Variants in MSANTD2 observed in about 807,000 individuals in gnomAD.
MSANTD2 encodes Myb/SANT DNA binding domain containing 2.
MSANTD2 carries 19 observed loss-of-function variants against 52.6 expected under a neutral mutation model. The ratio of observed to expected loss-of-function variants is 0.36; its 90% CI spans 0.25 to 0.53. The LOEUF is 0.53. Ranked by LOEUF, MSANTD2 falls within the 20% of genes least tolerant of loss-of-function variation. The probability of loss-of-function intolerance (pLI) is 0.91; values close to 1 mark genes in which losing one functional copy is unlikely to be tolerated. For synonymous variants in MSANTD2, 291 were observed against 289.7 expected (o/e 1.00, Z -0.04); for missense variants, 558 against 716.3 (o/e 0.78, Z 2.52).
intron 1 of MSANTD2, among the ~76,000 whole-genome samples, chr11:124,782,954 T>C (rs1945033375): frequency 6.6e-6 from 1 of 152,142 alleles, no homozygotes; most frequent in Non-Finnish European, 1.5e-5. Flanking sequence ...ATCATTCTTG[T>C]TGTTATACCT....
At chr11:124,777,527 T>A (rs753898866) in intron 1 of MSANTD2, among the ~76,000 whole-genome samples, 27 of 152,240 alleles carry the variant, frequency 1.8e-4, no homozygotes, top group Admixed American at 4.6e-4. Flanking sequence ...ATACTTCACT[T>A]GGCTTATGTA....
chr11:124,799,389 C>T (rs1247315233), intron 1 of MSANTD2, among the ~76,000 whole-genome samples: 1 of 152,232 alleles, frequency 6.6e-6, no homozygotes, highest in South Asian at 2.1e-4. Context: ...CGTCCCAAGG[C>T]GCTTTTTCTA....
At chr11:124,773,145 A>G (rs1432293998) in intron 2 of MSANTD2, 91 bp from the exon 3 acceptor site, 3 of 725,978 alleles carry the variant, frequency 4.1e-6, no homozygotes, top group African/African-American at 3.6e-5. Context: ...TGATCATTCC[A>G]TACTTTCCAA....
intron 1 of MSANTD2, among the ~76,000 whole-genome samples, chr11:124,797,086 T>A (rs1945518924): frequency 6.6e-6 from 1 of 152,238 alleles, no homozygotes. Context: ...TTCTTCAGAC[T>A]GGGTTCCAAA....
At position 124,768,019 on chromosome 11, in the gene MSANTD2, G is replaced by A. The variant is rs1234944741; in HGVS notation, c.837C>T (p.Asp279=). Residue 279 remains aspartate (D), a synonymous_variant, in exon 4 of 4, where the codon GAC becomes GAT. Coordinates refer to ENST00000374979, the MANE Select transcript of MSANTD2 (RefSeq NM_001308027.2). ...QESSEEAQKR[D]IMQNIVQILE... is the part of the protein sequence containing the mutation. ...AAATCTGTACAATATTCTGCATGATGTCTCTCTTCCTGGAAAGACAAATAA... is the reference window on the plus strand; with the variant it reads ...AAATCTGTACAATATTCTGCATGATATCTCTCTTCCTGGAAAGACAAATAA... 1 of 1,600,102 alleles carries A rather than the reference G, an allele frequency of 6.2e-7. No individual in the cohort carries two copies. The highest frequency in any genetic ancestry group is 1.3e-5 in the African/African-American group (1 of 74,414).
At chr11:124,770,566 T>C (rs1412832144) in intron 3 of MSANTD2, among the ~76,000 whole-genome samples, 2 of 152,182 alleles carry the variant, frequency 1.3e-5, no homozygotes, top group Non-Finnish European at 2.9e-5. Flanking sequence ...CCCAGGATGC[T>C]GGGATTACAG....
chr11:124,770,314 GT>G (rs59573200), intron 3 of MSANTD2, among the ~76,000 whole-genome samples: 103 of 143,188 alleles, frequency 7.2e-4, no homozygotes, highest in Admixed American at 9.1e-4. Context: ...TTGTTTGTTT[GT>G]TTTTTTTTTT....
chr11:124,774,858 G>C lies in MSANTD2; in HGVS notation c.627C>G (p.Pro209=), dbSNP rs534687102. The C allele has an allele frequency of 1.9e-6, 3 of 1,613,914 alleles. No individual in the cohort carries two copies. The highest frequency in any genetic ancestry group is 3.3e-5 in the Admixed American group (2 of 60,020). The change falls in exon 2 of 4, where the codon CCC becomes CCG. Residue 209 remains proline (P), a synonymous_variant. Coordinates refer to ENST00000374979, the MANE Select transcript of MSANTD2 (RefSeq NM_001308027.2). The surrounding 1 kb of genome is among the most constrained non-coding windows in gnomAD (Gnocchi z 5.1). ...TACTGTTAATAAGTACAGGCTGGCA[G>C]GGCTGAGCATCCCATCCTCCCTGAC... ...VFGQGGWDAQ[P]CQPVLINSSG...
At chr11:124,799,801 G>GC in intron 1 of MSANTD2, 70 bp downstream of exon 1, 1 of 1,215,312 alleles carries the variant, frequency 8.2e-7, no homozygotes, top group Non-Finnish European at 1.1e-6. Context: ...ACCGGCCCCC[G>GC]CCCCCGAGGC....
rs145140688 is a variant in MSANTD2, at chr11:124,770,019, T to C, written c.828-1991A>G. 1.4e-3 allele frequency among the ~76,000 whole-genome samples: 208 copies of C among 152,328 alleles called. 2 individuals carry two copies. The East Asian group carries it at 0.024, about 18-fold the overall frequency. ...AAGATTCAAACCAGCATTTCAAAGCTCTGGAGCACAATGAAAACTAGACTC... is the reference window on the plus strand; with the variant it reads ...AAGATTCAAACCAGCATTTCAAAGCCCTGGAGCACAATGAAAACTAGACTC... On this transcript the variant is annotated intron_variant, in intron 3 of 3. Coordinates refer to ENST00000374979, the MANE Select transcript of MSANTD2 (RefSeq NM_001308027.2).
In MSANTD2 at chr11:124,799,957, CG is replaced by C. The variant is rs1326774718; in HGVS notation, c.423del (p.Pro143GlnfsTer37). 3 of 1,585,112 alleles carry C rather than the reference CG, an allele frequency of 1.9e-6. No individual in the cohort carries two copies. Among genetic ancestry groups the C allele is most frequent in the Non-Finnish European group, 1.7e-6 (2 of 1,174,518 alleles). ...GAGTVFGSKA[P>X]GPAMYERVSR... ...GACACGCGCTCGTACATGGCTGGCC[CG>C]GGGGCCTTGCTGCCGAACACCGTGC... On this transcript the variant is annotated frameshift_variant, in exon 1 of 4. Coordinates refer to ENST00000374979, the MANE Select transcript of MSANTD2 (RefSeq NM_001308027.2). LOFTEE classifies it high-confidence loss of function.
chr11:124,794,525 T>C (rs1007624867), intron 1 of MSANTD2, among the ~76,000 whole-genome samples: 6 of 152,210 alleles, frequency 3.9e-5, no homozygotes, highest in Non-Finnish European at 5.9e-5. Context: ...CTAAACCTAT[T>C]TGAGTAGCTT....
Position 124,779,796 on chromosome 11 carries a change from C to G in MSANTD2, c.511-4822G>C, listed in dbSNP as rs976961101. ...ATGATAAATTTGAGATTCCTTTTACCCAAATGATTAAAGAGCACACTTATT... is the reference window on the plus strand; with the variant it reads ...ATGATAAATTTGAGATTCCTTTTACGCAAATGATTAAAGAGCACACTTATT... On this transcript the variant is annotated intron_variant, in intron 1 of 3. Coordinates refer to ENST00000374979, the MANE Select transcript of MSANTD2 (RefSeq NM_001308027.2). This position sits in a 1 kb window ranked among gnomAD's most constrained non-coding sequence, Gnocchi z 4.6. Among the ~76,000 whole-genome samples the G allele has an allele frequency of 6.6e-6, 1 of 152,060 alleles. No homozygotes were observed. Among genetic ancestry groups the G allele is most frequent in the Admixed American group, 6.6e-5 (1 of 15,262 alleles).
At chr11:124,785,190 C>T (rs1354104234) in intron 1 of MSANTD2, among the ~76,000 whole-genome samples, 2 of 152,178 alleles carry the variant, frequency 1.3e-5, no homozygotes, top group Admixed American at 6.5e-5. Flanking sequence ...GTACCTTCTA[C>T]AAAAACCAAA....
At chr11:124,799,337 G>A (rs1057013753) in intron 1 of MSANTD2, among the ~76,000 whole-genome samples, 11 of 152,166 alleles carry the variant, frequency 7.2e-5, no homozygotes, top group Admixed American at 3.3e-4. Context: ...CTCGTCCTTC[G>A]TAGCTCAAGA....
chr11:124,784,412 C>T (rs1217507562), intron 1 of MSANTD2: 35 of 985,178 alleles, frequency 3.6e-5, no homozygotes, highest in Non-Finnish European at 4.0e-5. Context: ...AACCAGTCTT[C>T]GTTAAAGTAC....
At chr11:124,788,821 A>C (rs1253045518) in intron 1 of MSANTD2, among the ~76,000 whole-genome samples, 2 of 152,250 alleles carry the variant, frequency 1.3e-5, no homozygotes, top group African/African-American at 4.8e-5. Flanking sequence ...ATCATTCTTA[A>C]TATAACAATA....
At chr11:124,787,250 G>A (rs1002102361) in intron 1 of MSANTD2, among the ~76,000 whole-genome samples, 1 of 152,200 alleles carries the variant, frequency 6.6e-6, no homozygotes, top group African/African-American at 2.4e-5. Flanking sequence ...AACACGGGTA[G>A]GAATAACATG....
At chr11:124,772,705 C>T (rs1239366696) in intron 3 of MSANTD2, among the ~76,000 whole-genome samples, 1 of 142,354 alleles carries the variant, frequency 7.0e-6, no homozygotes, top group Non-Finnish European at 1.5e-5. Flanking sequence ...CCACTGCACA[C>T]CAGCCTGGGT....
Sources: allele counts gnomAD v4.1 joint callset (sites outside exome capture counted in the v4.1 genomes callset), GRCh38; gene constraint gnomAD v4.1.1; non-coding constraint Gnocchi (gnomAD v3.1); transcripts MANE v1.5; gene names NCBI Gene and HGNC (gene_info 2026-07-23, HGNC 2026-07-21).